Variants in SLC6A6 observed in about 807,000 individuals in gnomAD.
SLC6A6 encodes the protein sodium- and chloride-dependent taurine transporter.
SLC6A6 carries 16 observed loss-of-function variants against 68.8 expected under a neutral mutation model. The ratio of observed to expected loss-of-function variants is 0.23; its 90% CI spans 0.16 to 0.35. The LOEUF (loss-of-function observed/expected upper bound fraction) is 0.35. SLC6A6 is among the 10% of genes least tolerant of loss of function. SLC6A6 has a pLI of 1.00. For synonymous variants in SLC6A6, 312 were observed against 315.4 expected, an observed-to-expected ratio of 0.99 and a Z score of 0.12; for missense variants, 474 against 802.8, an observed-to-expected ratio of 0.59 and a Z score of 4.95.
chr3:14,432,269 G>A (rs566252970), intron 2 of SLC6A6, among the ~76,000 whole-genome samples: 2 of 152,266 alleles, frequency 1.3e-5, no homozygotes, highest in African/African-American at 4.8e-5. Context: ...CTTTTTTGTG[G>A]CCTCCAGAAA....
chr3:14,431,395 AC>A (rs1435095269), intron 2 of SLC6A6, among the ~76,000 whole-genome samples: 7 of 152,150 alleles, frequency 4.6e-5, no homozygotes, highest in African/African-American at 1.7e-4. Context: ...AGGAAGCAGG[AC>A]CCGGGTGACT....
At position 14,468,079 on chromosome 3, in the gene SLC6A6, G is replaced by A; in HGVS notation, c.972-9G>A. On this transcript the variant is annotated splice_polypyrimidine_tract_variant and intron_variant, in intron 8 of 14. Transcript: ENST00000622186. This position sits in a 1 kb window ranked among gnomAD's most constrained non-coding sequence, Gnocchi z 4.5. Reference sequence around the variant, plus strand: ...AATTAACTTGCTCCCTGACATATGTGTAACTTAGGGACTGTATGCTGCTGG... The same window carrying A: ...AATTAACTTGCTCCCTGACATATGTATAACTTAGGGACTGTATGCTGCTGG... The A allele has an allele frequency of 6.2e-7, 1 of 1,614,178 alleles. No individual in the cohort carries two copies. The highest frequency in any genetic ancestry group is 8.5e-7 in the Non-Finnish European group (1 of 1,180,028).
At chr3:14,422,262 TGCCC>T (rs1699501558) in intron 2 of SLC6A6, among the ~76,000 whole-genome samples, 1 of 152,118 alleles carries the variant, frequency 6.6e-6, no homozygotes, top group East Asian at 1.9e-4. Context: ...CAGACCCAAA[TGCCC>T]GCAGGGACCC....
chr3:14,403,520 C>T (rs565741179), intron 1 of SLC6A6, among the ~76,000 whole-genome samples: 2 of 152,132 alleles, frequency 1.3e-5, no homozygotes, highest in Non-Finnish European at 2.9e-5. Context: ...ATGGCCAGAG[C>T]TGGTTCTCCA....
At chr3:14,478,134 C>T (rs1700922664) in intron 11 of SLC6A6, among the ~76,000 whole-genome samples, 1 of 152,138 alleles carries the variant, frequency 6.6e-6, no homozygotes, top group African/African-American at 2.4e-5. Context: ...TAAGAACCCC[C>T]ACCCCAGAAG....
Position 14,479,041 on chromosome 3 carries a change from C to T in SLC6A6, c.1451-44C>T, listed in dbSNP as rs7637960. On this transcript the variant is annotated intron_variant, in intron 12 of 14. Coordinates refer to ENST00000622186, the MANE Select transcript of SLC6A6 (RefSeq NM_003043.6). ...CTCATGGCCCCTGAGCTGCTGCTGGCCTTGAACGCTGTGTCAGAAAATGTC... is the reference window on the plus strand; with the variant it reads ...CTCATGGCCCCTGAGCTGCTGCTGGTCTTGAACGCTGTGTCAGAAAATGTC... The T allele has an allele frequency of 4.4e-4, 576 of 1,303,340 alleles. 1 individual carries two copies. The highest frequency in any genetic ancestry group is 2.2e-3 in the African/African-American group (155 of 69,112). The allele number at this position is 1,303,340 out of a possible 1,614,324, so 80.7% of individuals were successfully genotyped here. A position where few individuals can be genotyped will look rare whatever the true frequency, so the allele number is the denominator to read the frequency against.
At position 14,477,153 on chromosome 3, in the gene SLC6A6, A is replaced by T; in HGVS notation, c.1210-52A>T. 1 of 1,579,844 alleles carries T rather than the reference A, an allele frequency of 6.3e-7. No homozygotes were observed. Among genetic ancestry groups the T allele is most frequent in the Non-Finnish European group, 8.7e-7 (1 of 1,155,132 alleles). On this transcript the variant is annotated intron_variant, in intron 10 of 14. Transcript: ENST00000622186. This position sits in a 1 kb window ranked among gnomAD's most constrained non-coding sequence, Gnocchi z 4.2. Reference sequence around the variant, plus strand: ...GGCCCTTCCCTCCGAGCAGCAGGCAAGGGTGGCCTGAGCGTCAGCCGCTCA... The same window carrying T: ...GGCCCTTCCCTCCGAGCAGCAGGCATGGGTGGCCTGAGCGTCAGCCGCTCA...
chr3:14,404,290 C>A (rs551513075), intron 1 of SLC6A6, among the ~76,000 whole-genome samples: 1 of 152,110 alleles, frequency 6.6e-6, no homozygotes, highest in Non-Finnish European at 1.5e-5. Context: ...AACCACCTGC[C>A]TCCCTCTCGA....
At chr3:14,435,556 A>T (rs886703933) in intron 2 of SLC6A6, among the ~76,000 whole-genome samples, 2 of 152,226 alleles carry the variant, frequency 1.3e-5, no homozygotes, top group African/African-American at 4.8e-5. Context: ...TGTTCCGGGC[A>T]AAACAATGCC....
chr3:14,430,000 G>C (rs1699686632), intron 2 of SLC6A6, among the ~76,000 whole-genome samples: 1 of 152,150 alleles, frequency 6.6e-6, no homozygotes. Flanking sequence ...TGGGCGGGAA[G>C]GGCTTTTGCT....
intron 10 of SLC6A6, among the ~76,000 whole-genome samples, chr3:14,476,371 C>T (rs1361935690): frequency 6.6e-6 from 1 of 152,124 alleles, no homozygotes; most frequent in African/African-American, 2.4e-5. Context: ...GTGGAACAAC[C>T]CCCAAGATAA....
rs561563380 is a variant in SLC6A6, at chr3:14,466,587, G to A, written c.804G>A (p.Pro268=). 8.0e-5 allele frequency: 129 copies of A among 1,613,508 alleles called. 1 individual carries two copies. The South Asian group carries it at 1.3e-3, about 16-fold the overall frequency. Reference sequence around the variant, plus strand: ...TGCTGGTCCGAGGGCTGACGCTGCCGGGCGCGGGCGCAGGCATCAAGTTCT... The same window carrying A: ...TGCTGGTCCGAGGGCTGACGCTGCCAGGCGCGGGCGCAGGCATCAAGTTCT... ...LVLLVRGLTL[P]GAGAGIKFYL... is the part of the protein sequence containing the mutation. Residue 268 remains proline (P), a synonymous_variant, in exon 7 of 15, where the codon CCG becomes CCA. Coordinates refer to ENST00000622186, the MANE Select transcript of SLC6A6 (RefSeq NM_003043.6).
rs1701259631 is a variant in SLC6A6, at chr3:14,489,067, T to C, written c.*4060T>C. ...AAAACTTCAAAATATTTTTAAGATA[T>C]TTTAAACTTTTATAAAAAAAAAATC... On this transcript the variant is annotated 3_prime_UTR_variant, in exon 15 of 15. Coordinates refer to ENST00000622186, the MANE Select transcript of SLC6A6 (RefSeq NM_003043.6). The C allele has an allele frequency of 6.6e-6, 1 of 152,586 alleles. No individual in the cohort carries two copies. Among genetic ancestry groups the C allele is most frequent in the Non-Finnish European group, 1.5e-5 (1 of 68,036 alleles). 9.5% of individuals were successfully genotyped at this position (152,586 alleles called of 1,614,324 possible).
chr3:14,409,300 C>A (rs1699182953), intron 1 of SLC6A6, among the ~76,000 whole-genome samples: 1 of 152,224 alleles, frequency 6.6e-6, no homozygotes, highest in Admixed American at 6.5e-5. Flanking sequence ...GCTGCCAGCT[C>A]AGTAAATGAA....
chr3:14,474,563 C>T (rs1368724344), intron 10 of SLC6A6, among the ~76,000 whole-genome samples: 1 of 152,194 alleles, frequency 6.6e-6, no homozygotes, highest in East Asian at 1.9e-4. Flanking sequence ...CCGCACCTGG[C>T]TTTTTGTACA....
At chr3:14,409,210 G>A (rs1037713165) in intron 1 of SLC6A6, among the ~76,000 whole-genome samples, 9 of 152,172 alleles carry the variant, frequency 5.9e-5, no homozygotes, top group Non-Finnish European at 1.0e-4. Flanking sequence ...CAGAACACAC[G>A]GATCTGCCAG....
At chr3:14,467,782 C>G (rs1037616755) in intron 7 of SLC6A6, 71 bp from the exon 8 acceptor site, 1 of 890,656 alleles carries the variant, frequency 1.1e-6, no homozygotes, top group Non-Finnish European at 1.8e-6. Flanking sequence ...ACATAACCCT[C>G]GCTGCCTCCT....
rs779203694 is a variant in SLC6A6, at chr3:14,443,718, G to A, written c.84G>A (p.Thr28=). 1.2e-5 allele frequency: 20 copies of A among 1,613,952 alleles called. No individual in the cohort carries two copies. Among genetic ancestry groups the A allele is most frequent in the South Asian group, 5.5e-5 (5 of 91,084 alleles). ...LKPSPGKSPG[T]RPEDEAEGKP... ...CCTCACCAGGGAAGAGCCCAGGCAC[G>A]CGGCCTGAGGACGAGGCTGAGGGAA... The change falls in exon 3 of 15, where the codon ACG becomes ACA. Residue 28 remains threonine, a synonymous_variant. Transcript: ENST00000622186.
In SLC6A6 at chr3:14,477,890, G is replaced by C. The variant is rs558269915; in HGVS notation, c.1347+548G>C. ...AGGGAAGCAAAGAGCAGAAGGGAAC[G>C]GGAACGTCTAAGACGTGTCTAGCAA... On this transcript the variant is annotated intron_variant, in intron 11 of 14. Coordinates refer to ENST00000622186, the MANE Select transcript of SLC6A6 (RefSeq NM_003043.6). This position sits in a 1 kb window ranked among gnomAD's most constrained non-coding sequence, Gnocchi z 4.2. 6.6e-6 allele frequency among the ~76,000 whole-genome samples: 1 copy of C among 152,114 alleles called. No homozygotes were observed. The highest frequency in any genetic ancestry group is 1.5e-5 in the Non-Finnish European group (1 of 68,006).
Sources: allele counts gnomAD v4.1 joint callset (sites outside exome capture counted in the v4.1 genomes callset), GRCh38; gene constraint gnomAD v4.1.1; non-coding constraint Gnocchi (gnomAD v3.1); transcripts MANE v1.5; gene names NCBI Gene and HGNC (gene_info 2026-07-23, HGNC 2026-07-21).